The following NAALADL2 variants were observed in gnomAD, a reference collection of about 807,000 sequenced individuals.
NAALADL2 encodes inactive N-acetylated-alpha-linked acidic dipeptidase-like protein 2.
Under a neutral mutation model 87.2 loss-of-function variants are expected in NAALADL2, and 76 were observed. That is an observed-to-expected ratio of 0.87 (90% CI 0.72 to 1.05). NAALADL2 has a LOEUF of 1.05. Ranked by LOEUF, NAALADL2 falls within the 50% of genes least tolerant of loss-of-function variation. The pLI, the probability that NAALADL2 is intolerant of heterozygous loss-of-function variation, is 0.00. For synonymous variants in NAALADL2, 354 were observed against 331.0 expected, an observed-to-expected ratio of 1.07 and a Z score of -0.75; for missense variants, 1,089 against 945.8, an observed-to-expected ratio of 1.15 and a Z score of -1.99.
intron 2 of NAALADL2, among the ~76,000 whole-genome samples, chr3:174,589,085 C>G (rs1455837831): frequency 6.6e-6 from 1 of 152,166 alleles, no homozygotes; most frequent in African/African-American, 2.4e-5. Context: ...GGCGGACACC[C>G]CTCCCCCAGC....
At chr3:174,493,231 T>A (rs6803965) in intron 1 of NAALADL2, among the ~76,000 whole-genome samples, 2,540 of 152,256 alleles carry the variant, frequency 0.017, 80 homozygotes, top group African/African-American at 0.051. Flanking sequence ...ATACAAGGTA[T>A]TTTTAGAAGT....
intron 2 of NAALADL2, among the ~76,000 whole-genome samples, chr3:174,716,186 T>G (rs1731166661): frequency 6.6e-6 from 1 of 152,158 alleles, no homozygotes; most frequent in South Asian, 2.1e-4. Context: ...AAGATCATAT[T>G]CTCTGATGAA....
rs370854102 is a variant in NAALADL2 at position 175,324,899 on chromosome 3, G to A, written c.1090+574G>A. ...CAAATATCTTTCTTTTTCCTAGATA[G>A]CTCTGTTCATGATAGTAGGGATCAT... is the stretch of plus-strand genomic sequence containing the variant. On this transcript the variant is annotated intron_variant, in intron 5 of 13. Transcript: ENST00000454872. Among the ~76,000 whole-genome samples the A allele has an allele frequency of 1.8e-3, 273 of 152,280 alleles. 3 individuals carry two copies. In the South Asian group the frequency reaches 0.034, roughly 19 times the overall value.
At chr3:175,013,167 G>GT (rs1560475381) in intron 1 of NAALADL2, among the ~76,000 whole-genome samples, 3 of 59,806 alleles carry the variant, frequency 5.0e-5, no homozygotes, top group South Asian at 4.0e-4. Flanking sequence ...ATATAAATAT[G>GT]TAATACATAT....
rs559905870 is a variant in NAALADL2, at chr3:174,941,180, C to T, written c.43+81730C>T. Among the ~76,000 whole-genome samples the T allele has an allele frequency of 2.1e-4, 32 of 152,216 alleles. 1 individual carries two copies. The South Asian group carries it at 6.6e-3, about 32-fold the overall frequency. Reference sequence around the variant, plus strand: ...CCTTAACACTGTCTTAGCTGGATCCCAGAGATTCTGGTGCATTGTATCTTT... The same window carrying T: ...CCTTAACACTGTCTTAGCTGGATCCTAGAGATTCTGGTGCATTGTATCTTT... On this transcript the variant is annotated intron_variant, in intron 1 of 13. Transcript: ENST00000454872.
At chr3:175,509,212 G>T (rs1254433868) in intron 9 of NAALADL2, among the ~76,000 whole-genome samples, 1 of 151,890 alleles carries the variant, frequency 6.6e-6, no homozygotes, top group African/African-American at 2.4e-5. Flanking sequence ...TTTCTTTTCA[G>T]TATCATGGCA....
At chr3:174,854,848 T>C (rs533712277), upstream of NAALADL2, among the ~76,000 whole-genome samples, 60 of 145,924 alleles carry the variant, frequency 4.1e-4, 1 homozygote, top group East Asian at 0.01. Flanking sequence ...TTTTTTTTTT[T>C]TTTTTTTGAG....
chr3:174,534,134 T>C (rs1721500590), intron 1 of NAALADL2, among the ~76,000 whole-genome samples: 1 of 152,186 alleles, frequency 6.6e-6, no homozygotes, highest in Non-Finnish European at 1.5e-5. Flanking sequence ...GGGCAGAATC[T>C]ACTATTACAT....
At chr3:175,453,125 T>C (rs1721822302) in intron 6 of NAALADL2, among the ~76,000 whole-genome samples, 1 of 152,198 alleles carries the variant, frequency 6.6e-6, no homozygotes, top group South Asian at 2.1e-4. Flanking sequence ...TCAATATTTC[T>C]CAACGATTTT....
At chr3:175,459,340 G>A (rs986245784) in intron 6 of NAALADL2, among the ~76,000 whole-genome samples, 1 of 151,996 alleles carries the variant, frequency 6.6e-6, no homozygotes, top group Admixed American at 6.6e-5. Context: ...GATAGATACA[G>A]CCATAGATAG....
chr3:175,537,947 A>G (rs1411155588), intron 9 of NAALADL2, among the ~76,000 whole-genome samples: 1 of 152,204 alleles, frequency 6.6e-6, no homozygotes, highest in Non-Finnish European at 1.5e-5. Context: ...ATTGTATAAG[A>G]AAAGAATTTT....
upstream of NAALADL2, among the ~76,000 whole-genome samples, chr3:174,858,494 A>T (rs1359659595): frequency 6.6e-6 from 1 of 152,082 alleles, no homozygotes; most frequent in Non-Finnish European, 1.5e-5. Flanking sequence ...TCAAAAGGCA[A>T]TGCAAATATC....
At chr3:175,316,433 AGGACC>A (rs1284687863) in intron 4 of NAALADL2, among the ~76,000 whole-genome samples, 11 of 152,146 alleles carry the variant, frequency 7.2e-5, no homozygotes, top group African/African-American at 2.2e-4. Context: ...AGCATGGCAA[AGGACC>A]TCCCAGCCTA....
At chr3:174,597,118 A>T (rs1717993569) in intron 2 of NAALADL2, among the ~76,000 whole-genome samples, 1 of 152,220 alleles carries the variant, frequency 6.6e-6, no homozygotes, top group Non-Finnish European at 1.5e-5. Flanking sequence ...CTATAGTGAA[A>T]GGATACAAAA....
At chr3:175,743,672 G>A (rs1745549686) in intron 12 of NAALADL2, among the ~76,000 whole-genome samples, 1 of 152,210 alleles carries the variant, frequency 6.6e-6, no homozygotes, top group African/African-American at 2.4e-5. Flanking sequence ...GTGAAAAGGA[G>A]GTAGGACCAA....
intron 1 of NAALADL2, among the ~76,000 whole-genome samples, chr3:175,078,159 G>A (rs1054833562): frequency 2.0e-5 from 3 of 151,922 alleles, no homozygotes; most frequent in African/African-American, 4.8e-5. Flanking sequence ...TGAGTAGGTG[G>A]AATTACAGGC....
intron 11 of NAALADL2, among the ~76,000 whole-genome samples, chr3:175,667,199 G>GAA (rs1311145977): frequency 9.5e-6 from 1 of 105,646 alleles, no homozygotes; most frequent in African/African-American, 6.3e-5. Context: ...AAGAAAGAAA[G>GAA]AAAGAAAGAA....
chr3:175,806,215 G>A lies in NAALADL2; in HGVS notation c.*3012G>A, dbSNP rs569354641. ...GTACCTGACAAACAAAACTCTCCCC[G>A]AGAATTCAGGCAAAGGACACAAAGA... is the stretch of plus-strand genomic sequence containing the variant. On this transcript the variant is annotated 3_prime_UTR_variant, in exon 14 of 14. Coordinates refer to ENST00000454872, the MANE Select transcript of NAALADL2 (RefSeq NM_207015.3). The A allele has an allele frequency of 6.6e-6, 1 of 151,936 alleles. No individual in the cohort carries two copies. The highest frequency in any genetic ancestry group is 2.1e-4 in the South Asian group (1 of 4,814). 9.4% of individuals were successfully genotyped at this position (151,936 alleles called of 1,614,324 possible).
At chr3:175,689,914 C>G (rs1736817796) in intron 11 of NAALADL2, among the ~76,000 whole-genome samples, 1 of 152,030 alleles carries the variant, frequency 6.6e-6, no homozygotes, top group Non-Finnish European at 1.5e-5. Context: ...CTTTTCAACA[C>G]TAAATTCCAA....
Sources: allele counts gnomAD v4.1 joint callset (sites outside exome capture counted in the v4.1 genomes callset), GRCh38; gene constraint gnomAD v4.1.1; transcripts MANE v1.5; gene names NCBI Gene and HGNC (gene_info 2026-07-23, HGNC 2026-07-21).